Variants in DCDC2 observed in about 807,000 individuals in gnomAD.
DCDC2 encodes doublecortin domain containing 2.
In DCDC2, 40 loss-of-function variants were observed where a neutral mutation model predicts 50.2. The ratio of observed to expected loss-of-function variants is 0.80; its 90% CI spans 0.62 to 1.04. DCDC2 has a LOEUF of 1.04. Ranked by LOEUF, DCDC2 falls within the 50% of genes least tolerant of loss-of-function variation. The pLI, the probability that DCDC2 is intolerant of heterozygous loss-of-function variation, is 0.00. For missense variants in DCDC2, 570 were observed against 581.9 expected (o/e 0.98, Z 0.21); for synonymous variants, 234 against 210.6 (o/e 1.11, Z -0.96).
intron 7 of DCDC2, among the ~76,000 whole-genome samples, chr6:24,237,736 G>A (rs1205143506): frequency 6.6e-6 from 1 of 152,106 alleles, no homozygotes; most frequent in East Asian, 1.9e-4. Context: ...AAACAATGCA[G>A]CCATAAAAAA....
intron 8 of DCDC2, among the ~76,000 whole-genome samples, chr6:24,200,256 G>C (rs998220097): frequency 6.6e-6 from 1 of 152,208 alleles, no homozygotes; most frequent in African/African-American, 2.4e-5. Flanking sequence ...AGGGCAGCCA[G>C]AGAGAAAGGT....
At chr6:24,281,559 A>G (rs1000872918) in intron 6 of DCDC2, among the ~76,000 whole-genome samples, 4 of 133,274 alleles carry the variant, frequency 3.0e-5, no homozygotes, top group Admixed American at 8.2e-5. Flanking sequence ...TAAAGTGTTC[A>G]TGTGAAAATA....
chr6:24,298,514 C>G (rs1218192432), intron 4 of DCDC2, among the ~76,000 whole-genome samples: 1 of 152,192 alleles, frequency 6.6e-6, no homozygotes, highest in Non-Finnish European at 1.5e-5. Context: ...TCAGTATCTC[C>G]ATAACCCTGG....
At chr6:24,359,274 T>G (rs1389932236), upstream of DCDC2, among the ~76,000 whole-genome samples, 1 of 71,420 alleles carries the variant, frequency 1.4e-5, no homozygotes, top group Non-Finnish European at 2.3e-5. Flanking sequence ...TTTTATATTT[T>G]ATATATATTA....
At chr6:24,340,803 G>A (rs188073825) in intron 2 of DCDC2, among the ~76,000 whole-genome samples, 5 of 152,228 alleles carry the variant, frequency 3.3e-5, no homozygotes, top group Admixed American at 2.6e-4. Flanking sequence ...TTGGCTCACC[G>A]CAACCTCCAC....
At chr6:24,269,291 T>C (rs1763188991) in intron 7 of DCDC2, among the ~76,000 whole-genome samples, 1 of 152,212 alleles carries the variant, frequency 6.6e-6, no homozygotes. Flanking sequence ...TGGTACTTTC[T>C]ATAAGGACAA....
the DCDC2 span, among the ~76,000 whole-genome samples, chr6:24,377,987 C>G: frequency 6.6e-6 from 1 of 152,166 alleles, no homozygotes; most frequent in Non-Finnish European, 1.5e-5. Flanking sequence ...AAAATTCCAT[C>G]TCAGAAAAAA....
chr6:24,363,335 A>C, the DCDC2 span, among the ~76,000 whole-genome samples: 152 of 152,224 alleles, frequency 1.0e-3, no homozygotes, highest in African/African-American at 3.5e-3. Context: ...CTCTAAAAAA[A>C]CAAAAAACTA....
chr6:24,214,474 A>G, intron 7 of DCDC2, among the ~76,000 whole-genome samples: 1 of 46,962 alleles, frequency 2.1e-5, no homozygotes, highest in East Asian at 6.9e-4. Flanking sequence ...CACATTATTT[A>G]CAATATGTAT....
chr6:24,283,935 C>A (rs1763534944), intron 6 of DCDC2, among the ~76,000 whole-genome samples: 1 of 152,180 alleles, frequency 6.6e-6, no homozygotes, highest in Non-Finnish European at 1.5e-5. Flanking sequence ...AACCACCCAG[C>A]TGAAATAGCA....
At chr6:24,360,077 G>C (rs1184548618), upstream of DCDC2, among the ~76,000 whole-genome samples, 2 of 152,202 alleles carry the variant, frequency 1.3e-5, no homozygotes, top group African/African-American at 2.4e-5. Context: ...CGCCGCTCAC[G>C]CTGTTCCTCC....
the DCDC2 span, among the ~76,000 whole-genome samples, chr6:24,373,186 C>T: frequency 3.9e-5 from 6 of 152,152 alleles, no homozygotes; most frequent in Admixed American, 1.3e-4. Flanking sequence ...TTTGGCATGT[C>T]CTATAAAGTT....
intron 8 of DCDC2, among the ~76,000 whole-genome samples, chr6:24,185,201 T>A (rs1342267633): frequency 6.6e-6 from 1 of 152,186 alleles, no homozygotes; most frequent in Non-Finnish European, 1.5e-5. Context: ...CCTAATTTCT[T>A]TCTAGGAAAG....
chr6:24,266,081 C>G (rs550887413), intron 7 of DCDC2, among the ~76,000 whole-genome samples: 1 of 152,144 alleles, frequency 6.6e-6, no homozygotes, highest in East Asian at 1.9e-4. Flanking sequence ...GTGACAAGAA[C>G]ATACACTGGG....
intron 8 of DCDC2, among the ~76,000 whole-genome samples, chr6:24,194,354 A>T (rs991743064): frequency 6.6e-6 from 1 of 152,234 alleles, no homozygotes; most frequent in African/African-American, 2.4e-5. Flanking sequence ...ATGCTGGGTT[A>T]AATGCTATTT....
At chr6:24,236,695 A>C (rs765099142) in intron 7 of DCDC2, among the ~76,000 whole-genome samples, 3 of 152,156 alleles carry the variant, frequency 2.0e-5, no homozygotes, top group Admixed American at 6.5e-5. Flanking sequence ...ACAAGAAAAA[A>C]AAACAAACAA....
chr6:24,346,753 CAAA>C (rs11385934), intron 2 of DCDC2, among the ~76,000 whole-genome samples: 5 of 119,134 alleles, frequency 4.2e-5, no homozygotes, highest in African/African-American at 2.9e-5. Flanking sequence ...GACTCCATCT[CAAA>C]AAAAAAAAAA....
At chr6:24,288,719 G>A (rs1941344738) in intron 6 of DCDC2, 133 bp downstream of exon 6, 1 of 739,548 alleles carries the variant, frequency 1.4e-6, no homozygotes, top group Non-Finnish European at 2.3e-6. Flanking sequence ...TTCTAGTGCT[G>A]TTTCACATAA....
At chr6:24,283,914 G>A (rs564235768) in intron 6 of DCDC2, among the ~76,000 whole-genome samples, 1 of 152,284 alleles carries the variant, frequency 6.6e-6, no homozygotes, top group African/African-American at 2.4e-5. Flanking sequence ...CCTCCTGAAA[G>A]AGGCCTTTCC....
Sources: gnomAD v4.1 joint callset for allele counts (sites outside exome capture counted in the v4.1 genomes callset) on GRCh38, gnomAD v4.1.1 for gene constraint, MANE v1.5 for transcripts, NCBI Gene and HGNC (gene_info 2026-07-23, HGNC 2026-07-21) for gene names.